Variants in OAS1 observed in about 807,000 individuals in gnomAD.
OAS1 encodes the protein 2'-5'-oligoadenylate synthetase 1.
Under a neutral mutation model 38.5 loss-of-function variants are expected in OAS1, and 24 were observed. The observed-to-expected ratio is 0.62, with a 90% CI of 0.45 to 0.88. OAS1 has a LOEUF of 0.88. Among genes scored for constraint, OAS1 ranks in the 40% least tolerant of loss-of-function variants. The pLI is 0.00. For missense variants in OAS1, 482 were observed against 493.9 expected, an observed-to-expected ratio of 0.98 and a Z score of 0.23; for synonymous variants, 169 against 193.9, an observed-to-expected ratio of 0.87 and a Z score of 1.07.
chr12:112,911,602 G>A (rs777406534), intron 3 of OAS1, among the ~76,000 whole-genome samples: 4 of 152,112 alleles, frequency 2.6e-5, no homozygotes, highest in Admixed American at 1.3e-4. Context: ...TCTTCAGAAG[G>A]TGGATAAGTT....
chr12:112,919,512 AC>A lies in OAS1; in HGVS notation c.1166del (p.Pro389HisfsTer72), dbSNP rs748013297. ...ACCCAGCACACTCCAGGCAGCATCC[AC>A]CCCACAGGCAGAAGAGGACTGGACC... ...HRPSTLQAAS[T>X]PQAEEDWTCT... On this transcript the variant is annotated frameshift_variant, in exon 6 of 6. Transcript: ENST00000202917. LOFTEE classifies it high-confidence loss of function. 3.1e-6 allele frequency: 5 copies of A among 1,614,082 alleles called. No homozygotes were observed. The highest frequency in any genetic ancestry group is 1.6e-4 in the Middle Eastern group (1 of 6,062).
chr12:112,914,904 G>A (rs563751395), intron 3 of OAS1, among the ~76,000 whole-genome samples: 28 of 143,184 alleles, frequency 2.0e-4, no homozygotes, highest in African/African-American at 6.3e-4. Context: ...CCCCCACCCC[G>A]CTTGTTGGTA....
intron 6 of OAS1, among the ~76,000 whole-genome samples, chr12:112,930,877 G>A (rs923189768): frequency 1.3e-5 from 2 of 152,156 alleles, no homozygotes; most frequent in East Asian, 1.9e-4. Flanking sequence ...ATATTCATTC[G>A]GGGAGCTCTT....
chr12:112,928,027 C>A (rs1338845208), intron 6 of OAS1, among the ~76,000 whole-genome samples: 2 of 152,182 alleles, frequency 1.3e-5, no homozygotes, highest in African/African-American at 4.8e-5. Context: ...TGACCACAGG[C>A]AAACCCACTG....
intron 3 of OAS1, among the ~76,000 whole-genome samples, chr12:112,916,256 C>CT (rs1465746987): frequency 6.6e-6 from 1 of 152,164 alleles, no homozygotes; most frequent in African/African-American, 2.4e-5. Flanking sequence ...GGCCAGTACA[C>CT]TTTTTTAAAA....
chr12:112,925,725 G>T (rs2043554609), intron 6 of OAS1, among the ~76,000 whole-genome samples: 1 of 152,182 alleles, frequency 6.6e-6, no homozygotes, highest in Non-Finnish European at 1.5e-5. Flanking sequence ...AGTCAAGGCT[G>T]CAGTGAGCCA....
intron 1 of OAS1, 110 bp from the exon 2 acceptor site, chr12:112,908,426 C>T (rs2136294610): frequency 2.0e-6 from 2 of 980,302 alleles, no homozygotes; most frequent in Non-Finnish European, 3.0e-6. Flanking sequence ...ACATGCAATG[C>T]CTTCAGAACA....
chr12:112,910,567 G>A (rs922777047), intron 2 of OAS1, among the ~76,000 whole-genome samples: 26 of 152,056 alleles, frequency 1.7e-4, no homozygotes, highest in African/African-American at 5.8e-4. Context: ...GGAATGGCAA[G>A]TGCAGAGGCC....
intron 5 of OAS1, chr12:112,919,131 G>A (rs1436442637): frequency 6.7e-6 from 3 of 446,446 alleles, no homozygotes; most frequent in African/African-American, 2.0e-5. Flanking sequence ...ATACCCCTAC[G>A]TGGATCACTC....
chr12:112,931,809 C>G, intron 6 of OAS1: 2 of 629,588 alleles, frequency 3.2e-6, no homozygotes, highest in Non-Finnish European at 5.6e-6. Flanking sequence ...AGGCTTTTCT[C>G]ACTGATGCTC....
At chr12:112,921,678 G>A (rs1161344346), downstream of OAS1, among the ~76,000 whole-genome samples, 1 of 152,168 alleles carries the variant, frequency 6.6e-6, no homozygotes, top group Non-Finnish European at 1.5e-5. Context: ...GGTCTGCCAG[G>A]CTGGTGTGGG....
chr12:112,908,156 T>C (rs1433994651), intron 1 of OAS1, among the ~76,000 whole-genome samples: 2 of 152,136 alleles, frequency 1.3e-5, no homozygotes, highest in African/African-American at 2.4e-5. Flanking sequence ...CAATACCTCA[T>C]AGGGCCGTGT....
chr12:112,916,280 A>G (rs2043453114), intron 3 of OAS1, among the ~76,000 whole-genome samples: 1 of 152,208 alleles, frequency 6.6e-6, no homozygotes, highest in African/African-American at 2.4e-5. Context: ...AAAAGGCTAG[A>G]TAGTAAATAT....
intron 3 of OAS1, among the ~76,000 whole-genome samples, chr12:112,915,346 A>G (rs770473349): frequency 2.6e-5 from 4 of 152,122 alleles, no homozygotes; most frequent in Non-Finnish European, 5.9e-5. Flanking sequence ...CAACTTGCCA[A>G]TTATCCTAGG....
chr12:112,911,017 G>C, intron 2 of OAS1, 34 bp from the exon 3 acceptor site: 1 of 1,589,772 alleles, frequency 6.3e-7, no homozygotes, highest in Admixed American at 1.7e-5. Context: ...TCAGAGAAGA[G>C]CTGACACCTA....
intron 4 of OAS1, 63 bp from the exon 5 acceptor site, chr12:112,917,484 A>G (rs541981546): frequency 1.2e-6 from 2 of 1,602,716 alleles, no homozygotes; most frequent in Admixed American, 1.7e-5. Context: ...TCCCAGGAGC[A>G]TCTGGACTCC....
rs1272326488 is a variant in OAS1 at position 112,919,652 on chromosome 12, G to A, written c.*99G>A. On this transcript the variant is annotated 3_prime_UTR_variant, in exon 6 of 6. Coordinates refer to ENST00000202917, the MANE Select transcript of OAS1 (RefSeq NM_016816.4). ...GATCCAGAGAGGACAAAGCTCCTCA[G>A]TGAGCTGGTGTATAATCCAGGACAG... The A allele has an allele frequency of 6.3e-7, 1 of 1,594,778 alleles. No homozygotes were observed. The highest frequency in any genetic ancestry group is 1.3e-5 in the African/African-American group (1 of 74,536).
At chr12:112,926,162 T>TG (rs1430956514) in intron 6 of OAS1, among the ~76,000 whole-genome samples, 3 of 152,116 alleles carry the variant, frequency 2.0e-5, no homozygotes, top group Non-Finnish European at 4.4e-5. Flanking sequence ...CAGGAGCCTG[T>TG]GGGGGGTAAT....
intron 3 of OAS1, among the ~76,000 whole-genome samples, chr12:112,913,770 T>C (rs1013399603): frequency 1.3e-5 from 2 of 152,160 alleles, no homozygotes; most frequent in African/African-American, 4.8e-5. Flanking sequence ...ATGATATTCC[T>C]AGTTATTTTA....
Sources: allele counts gnomAD v4.1 joint callset (sites outside exome capture counted in the v4.1 genomes callset), GRCh38; gene constraint gnomAD v4.1.1; transcripts MANE v1.5; gene names NCBI Gene and HGNC (gene_info 2026-07-23, HGNC 2026-07-21).